Variants in VPS41 observed in about 807,000 individuals in gnomAD.
VPS41 encodes VPS41 subunit of HOPS complex.
VPS41 carries 85 observed loss-of-function variants against 130.9 expected under a neutral mutation model. That is an observed-to-expected ratio of 0.65 (90% CI 0.55 to 0.78). The LOEUF (loss-of-function observed/expected upper bound fraction) is 0.78, where lower values mean the gene tolerates loss of function less well. Ranked by LOEUF, VPS41 falls within the 30% of genes least tolerant of loss-of-function variation. The pLI is 0.00. For synonymous variants in VPS41, 335 were observed against 332.9 expected, an observed-to-expected ratio of 1.01 and a Z score of -0.07; for missense variants, 874 against 1,018.7, an observed-to-expected ratio of 0.86 and a Z score of 1.93.
At chr7:38,742,580 C>A (rs1795902105) in intron 24 of VPS41, among the ~76,000 whole-genome samples, 1 of 152,098 alleles carries the variant, frequency 6.6e-6, no homozygotes, top group Non-Finnish European at 1.5e-5. Flanking sequence ...TGCCCAAATT[C>A]ACTCAGGCCA....
intron 10 of VPS41, among the ~76,000 whole-genome samples, chr7:38,777,677 C>T (rs1342338797): frequency 6.6e-6 from 1 of 152,188 alleles, no homozygotes; most frequent in Non-Finnish European, 1.5e-5. Flanking sequence ...TGACCCACCA[C>T]ATTTTCTAAG....
intron 4 of VPS41, among the ~76,000 whole-genome samples, chr7:38,861,925 A>C (rs1786122378): frequency 6.6e-6 from 1 of 152,190 alleles, no homozygotes; most frequent in South Asian, 2.1e-4. Flanking sequence ...CCAAGCAGCA[A>C]AACAGTCACA....
At chr7:38,797,780 C>G (rs750528644) in intron 7 of VPS41, among the ~76,000 whole-genome samples, 3 of 152,162 alleles carry the variant, frequency 2.0e-5, no homozygotes, top group Non-Finnish European at 4.4e-5. Context: ...AACAGGTTAA[C>G]AGGGGAAAGA....
chr7:38,758,664 G>T (rs1052912636), intron 17 of VPS41, among the ~76,000 whole-genome samples, 183 bp from the exon 18 acceptor site: 1 of 152,124 alleles, frequency 6.6e-6, no homozygotes, highest in Non-Finnish European at 1.5e-5. Flanking sequence ...GCAGCCCCTA[G>T]GTAACTTAAG....
At chr7:38,745,671 A>T in intron 22 of VPS41, 58 bp from the exon 23 acceptor site, 1 of 1,301,546 alleles carries the variant, frequency 7.7e-7, no homozygotes. Context: ...AACAAACAGT[A>T]ATAAAGTCAT....
chr7:38,744,320 C>T (rs1000412227), intron 23 of VPS41, among the ~76,000 whole-genome samples: 2 of 152,148 alleles, frequency 1.3e-5, no homozygotes, highest in African/African-American at 4.8e-5. Context: ...TCACCCTTAC[C>T]CCTGTCTCTG....
chr7:38,872,584 G>A (rs1475403286), intron 2 of VPS41, among the ~76,000 whole-genome samples: 2 of 152,100 alleles, frequency 1.3e-5, no homozygotes, highest in African/African-American at 4.8e-5. Context: ...AACTTTCCAA[G>A]AATAACTTTA....
At chr7:38,773,676 A>G (rs59190975) in intron 12 of VPS41, among the ~76,000 whole-genome samples, 7,455 of 152,244 alleles carry the variant, frequency 0.049, 619 homozygotes, top group African/African-American at 0.17. Flanking sequence ...TGAACACCTA[A>G]AATGTGCCAG....
chr7:38,887,769 C>A (rs1786766764), intron 2 of VPS41, among the ~76,000 whole-genome samples: 1 of 152,178 alleles, frequency 6.6e-6, no homozygotes, highest in Admixed American at 6.5e-5. Context: ...ATGTTAAGGG[C>A]AGCCAGAGAG....
At chr7:38,864,495 T>C (rs1786185675) in intron 3 of VPS41, among the ~76,000 whole-genome samples, 1 of 152,216 alleles carries the variant, frequency 6.6e-6, no homozygotes, top group South Asian at 2.1e-4. Flanking sequence ...AGGAAAACAT[T>C]TCATTATCAG....
At chr7:38,728,430 T>TTATTCTGA (rs771168424) in intron 27 of VPS41, 112 bp downstream of exon 27, 2 of 1,191,524 alleles carry the variant, frequency 1.7e-6, no homozygotes, top group South Asian at 2.5e-5. Context: ...CTCCACTGGG[T>TTATTCTGA]TATTCTGAAA....
intron 2 of VPS41, among the ~76,000 whole-genome samples, chr7:38,890,004 T>C (rs766622807): frequency 2.0e-5 from 3 of 152,170 alleles, no homozygotes; most frequent in Non-Finnish European, 4.4e-5. Context: ...CAGTAGACTG[T>C]GATAAGTTAT....
intron 27 of VPS41, among the ~76,000 whole-genome samples, chr7:38,727,673 C>G (rs893453928): frequency 1.3e-5 from 2 of 152,188 alleles, no homozygotes; most frequent in African/African-American, 4.8e-5. Flanking sequence ...TCTAATTCCT[C>G]TAGAAAAGAA....
At chr7:38,862,908 T>C (rs1356497305) in intron 3 of VPS41, among the ~76,000 whole-genome samples, 2 of 152,172 alleles carry the variant, frequency 1.3e-5, no homozygotes, top group Admixed American at 6.6e-5. Context: ...CCTGATGGAC[T>C]GAGGCAGTAA....
intron 7 of VPS41, among the ~76,000 whole-genome samples, chr7:38,810,376 C>T (rs779483729): frequency 6.7e-6 from 1 of 148,856 alleles, no homozygotes; most frequent in Non-Finnish European, 1.5e-5. Context: ...TGTTACATTG[C>T]TATGTTCTGC....
intron 25 of VPS41, among the ~76,000 whole-genome samples, chr7:38,732,705 T>G (rs189773474): frequency 1.1e-4 from 17 of 152,372 alleles, no homozygotes; most frequent in Admixed American, 9.8e-4. Context: ...TTTCTCATAC[T>G]GCCCTCACGT....
chr7:38,844,656 C>T (rs1785684751), intron 4 of VPS41, among the ~76,000 whole-genome samples: 1 of 152,148 alleles, frequency 6.6e-6, no homozygotes, highest in Non-Finnish European at 1.5e-5. Context: ...CTTAAATTTT[C>T]TGTATTTATG....
chr7:38,799,588 T>C (rs1482401816), intron 7 of VPS41, among the ~76,000 whole-genome samples: 1 of 152,180 alleles, frequency 6.6e-6, no homozygotes, highest in Non-Finnish European at 1.5e-5. Context: ...ACATTATTCA[T>C]GGATAGTAAG....
At chr7:38,901,369 G>T (rs1787139027) in intron 1 of VPS41, among the ~76,000 whole-genome samples, 2 of 152,170 alleles carry the variant, frequency 1.3e-5, no homozygotes, top group South Asian at 4.1e-4. Flanking sequence ...TTGGCTCACG[G>T]TTCTGCAGTC....
Sources: gnomAD v4.1 joint callset for allele counts (sites outside exome capture counted in the v4.1 genomes callset) on GRCh38, gnomAD v4.1.1 for gene constraint, MANE v1.5 for transcripts, NCBI Gene and HGNC (gene_info 2026-07-23, HGNC 2026-07-21) for gene names.